The following SPATA17 variants were observed in gnomAD, a reference collection of about 807,000 sequenced individuals.
SPATA17 encodes spermatogenesis associated 17, also known as spermatogenesis-associated protein 17.
In SPATA17, 53 loss-of-function variants were observed where a neutral mutation model predicts 62.2. That is an observed-to-expected ratio of 0.85 (90% CI 0.68 to 1.07). The LOEUF is 1.07. Ranked by LOEUF, SPATA17 falls within the 50% of genes least tolerant of loss-of-function variation. The pLI is 0.00. For missense variants in SPATA17, 466 were observed against 425.5 expected, an observed-to-expected ratio of 1.10 and a Z score of -0.84; for synonymous variants, 146 against 146.8, an observed-to-expected ratio of 0.99 and a Z score of 0.04.
At chr1:217,769,387 C>T (rs1196304028) in intron 6 of SPATA17, among the ~76,000 whole-genome samples, 2 of 152,214 alleles carry the variant, frequency 1.3e-5, no homozygotes, top group Non-Finnish European at 1.5e-5. Context: ...TCCAAACAAA[C>T]TCAAGCTGAA....
At chr1:217,756,044 A>T (rs1171113029) in intron 6 of SPATA17, among the ~76,000 whole-genome samples, 2 of 152,142 alleles carry the variant, frequency 1.3e-5, no homozygotes, top group Non-Finnish European at 2.9e-5. Context: ...GAATTCATAA[A>T]GGAGAACAAT....
chr1:217,702,539 A>T (rs1429532045), intron 5 of SPATA17, among the ~76,000 whole-genome samples: 1 of 152,202 alleles, frequency 6.6e-6, no homozygotes, highest in Non-Finnish European at 1.5e-5. Context: ...TCATTTTTTA[A>T]TGGAAGAAAA....
At chr1:217,778,333 C>A (rs992936696) in intron 7 of SPATA17, among the ~76,000 whole-genome samples, 2 of 152,018 alleles carry the variant, frequency 1.3e-5, no homozygotes, top group African/African-American at 4.8e-5. Flanking sequence ...CCAGACTGGC[C>A]AACATGGTGA....
At chr1:217,797,438 T>G (rs2102985588) in intron 8 of SPATA17, among the ~76,000 whole-genome samples, 1 of 151,952 alleles carries the variant, frequency 6.6e-6, no homozygotes, top group African/African-American at 2.4e-5. Context: ...TTAGTAGAGA[T>G]GAGGTTTTGC....
At chr1:217,647,569 T>A (rs1670214572) in intron 1 of SPATA17, among the ~76,000 whole-genome samples, 1 of 152,136 alleles carries the variant, frequency 6.6e-6, no homozygotes, top group Admixed American at 6.5e-5. Flanking sequence ...GTGGCAAATA[T>A]TATGAAGCTA....
intron 9 of SPATA17, among the ~76,000 whole-genome samples, chr1:217,809,389 G>A (rs1268683747): frequency 6.6e-6 from 1 of 152,090 alleles, no homozygotes; most frequent in Non-Finnish European, 1.5e-5. Context: ...GAATACCTGA[G>A]ACTAAGTAAT....
chr1:217,777,691 C>A (rs1673627344), intron 7 of SPATA17, among the ~76,000 whole-genome samples: 1 of 152,202 alleles, frequency 6.6e-6, no homozygotes, highest in Non-Finnish European at 1.5e-5. Flanking sequence ...AATAAGCCAT[C>A]ACGCCAGGCC....
chr1:217,790,655 C>G (rs961524179), intron 8 of SPATA17, among the ~76,000 whole-genome samples: 1 of 152,052 alleles, frequency 6.6e-6, no homozygotes, highest in Non-Finnish European at 1.5e-5. Context: ...GTCTCAATCT[C>G]CTGACCTCGT....
intron 9 of SPATA17, among the ~76,000 whole-genome samples, chr1:217,807,831 T>C (rs1674475599): frequency 6.6e-6 from 1 of 152,234 alleles, no homozygotes; most frequent in Admixed American, 6.5e-5. Context: ...GGAAGGTTCT[T>C]ACTATGCGTT....
chr1:217,688,614 T>G (rs1445139696), intron 5 of SPATA17, among the ~76,000 whole-genome samples: 1 of 152,164 alleles, frequency 6.6e-6, no homozygotes, highest in South Asian at 2.1e-4. Context: ...GCATCATGTT[T>G]CCTTAGACTT....
rs144866035 is a variant in SPATA17, at chr1:217,684,456, G to T, written c.395+1095G>T. 1.3e-3 allele frequency among the ~76,000 whole-genome samples: 202 copies of T among 151,432 alleles called. 2 individuals are homozygous for T. In the Middle Eastern group the frequency reaches 0.014, roughly 10 times the overall value. ...TTGAGACGGAGTCTTCCTCTGTCACGCAGGCTGGAGTGCAGTGGCACGATC... is the reference window on the plus strand; with the variant it reads ...TTGAGACGGAGTCTTCCTCTGTCACTCAGGCTGGAGTGCAGTGGCACGATC... On this transcript the variant is annotated intron_variant, in intron 5 of 10. Transcript: ENST00000366933.
At chr1:217,645,832 C>A (rs1309505876) in intron 1 of SPATA17, among the ~76,000 whole-genome samples, 1 of 152,138 alleles carries the variant, frequency 6.6e-6, no homozygotes, top group East Asian at 1.9e-4. Context: ...TCTAACCCTG[C>A]AACCAGTTGA....
At chr1:217,744,967 T>G (rs1335965902) in intron 6 of SPATA17, among the ~76,000 whole-genome samples, 2 of 152,222 alleles carry the variant, frequency 1.3e-5, no homozygotes, top group Non-Finnish European at 2.9e-5. Context: ...TATTAGAATT[T>G]AACCACAGAT....
At chr1:217,645,750 A>C (rs1345872353) in intron 1 of SPATA17, among the ~76,000 whole-genome samples, 1 of 152,138 alleles carries the variant, frequency 6.6e-6, no homozygotes, top group Non-Finnish European at 1.5e-5. Context: ...CATTAATGAC[A>C]GTGTCTTTGT....
At chr1:217,844,190 G>A (rs1422304296) in intron 9 of SPATA17, among the ~76,000 whole-genome samples, 2 of 152,082 alleles carry the variant, frequency 1.3e-5, no homozygotes, top group African/African-American at 4.8e-5. Context: ...AGTCAGGAAG[G>A]CCTGCATATG....
intron 2 of SPATA17, among the ~76,000 whole-genome samples, chr1:217,650,010 G>C (rs986474902): frequency 2.7e-5 from 4 of 149,114 alleles, no homozygotes; most frequent in Non-Finnish European, 4.4e-5. Flanking sequence ...CACCATTTCG[G>C]TTCACCGCAA....
chr1:217,677,758 G>C (rs1223057986), intron 4 of SPATA17, among the ~76,000 whole-genome samples: 1 of 151,714 alleles, frequency 6.6e-6, no homozygotes, highest in Non-Finnish European at 1.5e-5. Context: ...TAGATTTGTA[G>C]AGAAAGGAAG....
At chr1:217,661,527 C>T (rs1670569455) in intron 3 of SPATA17, among the ~76,000 whole-genome samples, 1 of 152,150 alleles carries the variant, frequency 6.6e-6, no homozygotes. Context: ...CATTAACCCA[C>T]AATAATAGAG....
chr1:217,662,288 T>C (rs1003059550), intron 3 of SPATA17, among the ~76,000 whole-genome samples: 1 of 152,154 alleles, frequency 6.6e-6, no homozygotes, highest in African/African-American at 2.4e-5. Context: ...TGTTATAAAA[T>C]AATTATATAT....
Sources: gnomAD v4.1 joint callset for allele counts (sites outside exome capture counted in the v4.1 genomes callset) on GRCh38, gnomAD v4.1.1 for gene constraint, MANE v1.5 for transcripts, NCBI Gene and HGNC (gene_info 2026-07-23, HGNC 2026-07-21) for gene names.